The following SPNS3 variants were observed in gnomAD, a reference collection of about 807,000 sequenced individuals.
The protein encoded by SPNS3 is SPNS lysolipid transporter 3, sphingosine-1-phosphate (putative).
Under a neutral mutation model 54.4 loss-of-function variants are expected in SPNS3, and 51 were observed. The observed-to-expected ratio is 0.94, with a 90% CI of 0.75 to 1.18. The LOEUF (loss-of-function observed/expected upper bound fraction) is 1.18, where lower values mean the gene tolerates loss of function less well. SPNS3 is among the 50% of genes most tolerant of loss of function. The pLI is 0.00. For missense variants in SPNS3, 669 were observed against 677.4 expected (o/e 0.99, Z 0.14); for synonymous variants, 309 against 294.7 (o/e 1.05, Z -0.50).
In SPNS3 at chr17:4,468,589, G is replaced by A. The variant is rs113553452; in HGVS notation, c.1114-9983G>A. 3.7e-3 allele frequency among the ~76,000 whole-genome samples: 564 copies of A among 151,156 alleles called. 1 individual carries two copies. The highest frequency in any genetic ancestry group is 0.013 in the African/African-American group (541 of 41,206). Reference sequence around the variant, plus strand: ...GGGGCAGGGGGCGGTGGCGGCGGGGGAAGACTGAGGGAGGGGCAGGGGTTT... The same window carrying A: ...GGGGCAGGGGGCGGTGGCGGCGGGGAAAGACTGAGGGAGGGGCAGGGGTTT... On this transcript the variant is annotated intron_variant, in intron 8 of 11. Coordinates refer to ENST00000355530, the MANE Select transcript of SPNS3 (RefSeq NM_182538.5).
chr17:4,441,702 T>C (rs1394052202), intron 2 of SPNS3, among the ~76,000 whole-genome samples: 1 of 151,964 alleles, frequency 6.6e-6, no homozygotes, highest in African/African-American at 2.4e-5. Flanking sequence ...GTTCAAGTGA[T>C]TCTCCTGCCT....
chr17:4,449,400 G>C lies in SPNS3; in HGVS notation c.923+13G>C. 6.4e-7 allele frequency: 1 copy of C among 1,567,158 alleles called. No homozygotes were observed. The highest frequency in any genetic ancestry group is 2.3e-5 in the East Asian group (1 of 44,006). On this transcript the variant is annotated intron_variant, in intron 7 of 11. Transcript: ENST00000355530. ...GCAACCCCGACAGGTGAGGGCATCC[G>C]GGGGCCCTGGGCACCTGGCCCGGCT...
rs866366128 is a variant in SPNS3, at chr17:4,449,327, C to T, written c.863C>T (p.Ala288Val). ...TGGGCCCCCAAGTTTCTGCTCGAGG[C>T]ACGCGTGGTTCACGGGCTGCAGCCT... The part of the protein sequence containing the change: ...GFWAPKFLLE[A>V]RVVHGLQPPC... The change falls in exon 7 of 12, where the codon GCA becomes GTA. Residue 288 changes from alanine (A) to valine (V), a missense_variant. Ala to Val is a moderately conservative substitution (Grantham distance 64, BLOSUM62 0). Coordinates refer to ENST00000355530, the MANE Select transcript of SPNS3 (RefSeq NM_182538.5). The T allele has an allele frequency of 6.2e-7, 1 of 1,611,718 alleles. No individual in the cohort carries two copies. The highest frequency in any genetic ancestry group is 8.5e-7 in the Non-Finnish European group (1 of 1,179,872).
At chr17:4,467,922 C>T (rs148922258) in intron 8 of SPNS3, among the ~76,000 whole-genome samples, 8,374 of 152,312 alleles carry the variant, frequency 0.055, 305 homozygotes, top group Middle Eastern at 0.12. Flanking sequence ...CCACTCGCCT[C>T]GGCCTCCCAG....
Position 4,449,223 on chromosome 17 carries a change from C to A in SPNS3, c.771-12C>A. ...CCTCTCCCAACTCCAGCTGGGGCAC[C>A]TCGTCTTGCAGCTGGAGTTTCGTGT... On this transcript the variant is annotated splice_polypyrimidine_tract_variant and intron_variant, in intron 6 of 11. Transcript: ENST00000355530. 1.2e-6 allele frequency: 2 copies of A among 1,608,722 alleles called. No homozygotes were observed. Among genetic ancestry groups the A allele is most frequent in the Non-Finnish European group, 8.5e-7 (1 of 1,179,472 alleles).
At chr17:4,460,338 A>G (rs1971462660) in intron 8 of SPNS3, among the ~76,000 whole-genome samples, 1 of 151,774 alleles carries the variant, frequency 6.6e-6, no homozygotes, top group South Asian at 2.1e-4. Context: ...AGTTTATTAC[A>G]TTGACTGATA....
chr17:4,466,048 T>C (rs1971667343), intron 8 of SPNS3, among the ~76,000 whole-genome samples: 1 of 152,302 alleles, frequency 6.6e-6, no homozygotes, highest in South Asian at 2.1e-4. Context: ...GCAGGTGTGC[T>C]TGAGATCTCA....
At position 4,449,521 on chromosome 17, in the gene SPNS3, A is replaced by C. The variant is rs1023403208; in HGVS notation, c.923+134A>C. ...GTGCTGTGTGAAGACAGTGGAGCTC[A>C]GGACCCAGATGGCAGCAGGAGGCCT... On this transcript the variant is annotated intron_variant, in intron 7 of 11. Coordinates refer to ENST00000355530, the MANE Select transcript of SPNS3 (RefSeq NM_182538.5). 6.2e-6 allele frequency: 7 copies of C among 1,128,712 alleles called. No homozygotes were observed. The African/African-American group carries it at 9.5e-5, about 15-fold the overall frequency. 69.9% of individuals were successfully genotyped at this position (1,128,712 alleles called of 1,614,324 possible).
At position 4,458,564 on chromosome 17, in the gene SPNS3, C is replaced by T. The variant is rs1346830454; in HGVS notation, c.1113+5359C>T. On this transcript the variant is annotated intron_variant, in intron 8 of 11. Coordinates refer to ENST00000355530, the MANE Select transcript of SPNS3 (RefSeq NM_182538.5). ...CCTTCCTTTCCTTCCTTTCTTCCTT[C>T]CCTCCTTTCTTTCTTCCTTCCCTCC... Among the ~76,000 whole-genome samples the T allele has an allele frequency of 8.9e-5, 7 of 78,878 alleles. 1 individual carries two copies. The highest frequency in any genetic ancestry group is 2.4e-4 in the Non-Finnish European group (7 of 29,624). 51.7% of individuals were successfully genotyped at this position (78,878 alleles called of 152,430 possible).
intron 2 of SPNS3, among the ~76,000 whole-genome samples, chr17:4,443,024 C>T (rs1242837329): frequency 6.6e-6 from 1 of 152,028 alleles, no homozygotes; most frequent in Non-Finnish European, 1.5e-5. Flanking sequence ...GTGATCCCTG[C>T]ATGTGAGGAA....
chr17:4,441,555 A>G (rs1365706686), intron 2 of SPNS3, among the ~76,000 whole-genome samples: 7 of 152,096 alleles, frequency 4.6e-5, no homozygotes, highest in African/African-American at 1.2e-4. Context: ...GATTAAATAG[A>G]TAATGGTGGT....
chr17:4,487,790 A>G lies in SPNS3; in HGVS notation c.1451-16A>G, dbSNP rs745595985. The G allele has an allele frequency of 6.2e-6, 10 of 1,612,388 alleles. No homozygotes were observed. The Admixed American group carries it at 8.3e-5, about 13-fold the overall frequency. On this transcript the variant is annotated splice_polypyrimidine_tract_variant and intron_variant, in intron 11 of 11. Transcript: ENST00000355530. ...TCTGCAACCTTCGGGCAGGCTGAGC[A>G]TCTTTCCTCCTGCAGGGACCCCAGA...
intron 8 of SPNS3, among the ~76,000 whole-genome samples, chr17:4,477,470 G>A (rs1341553491): frequency 6.7e-6 from 1 of 149,574 alleles, no homozygotes; most frequent in Non-Finnish European, 1.5e-5. Flanking sequence ...GCTCTTGGAA[G>A]CTTTGAGAAA....
At chr17:4,478,524 GGT>G in intron 8 of SPNS3, 46 bp from the exon 9 acceptor site, 1 of 1,529,156 alleles carries the variant, frequency 6.5e-7, no homozygotes, top group Non-Finnish European at 8.9e-7. Flanking sequence ...AGGTGGGGTT[GGT>G]GACTGGGATC....
At chr17:4,459,043 A>C (rs1971423606) in intron 8 of SPNS3, among the ~76,000 whole-genome samples, 2 of 148,646 alleles carry the variant, frequency 1.3e-5, no homozygotes, top group Non-Finnish European at 3.0e-5. Context: ...CCCCATCCTC[A>C]CTCCCTTCTC....
chr17:4,458,631 T>G (rs1159409866), intron 8 of SPNS3, among the ~76,000 whole-genome samples: 1 of 146,276 alleles, frequency 6.8e-6, no homozygotes, highest in East Asian at 2.0e-4. Flanking sequence ...CTTTCTTTCT[T>G]TCTTTCTTTC....
At chr17:4,457,433 C>T (rs554975175) in intron 8 of SPNS3, among the ~76,000 whole-genome samples, 4 of 152,334 alleles carry the variant, frequency 2.6e-5, no homozygotes, top group East Asian at 3.9e-4. Flanking sequence ...TTGGCCGTGA[C>T]GCCTCCAAAG....
chr17:4,485,851 A>C (rs1972298555), intron 9 of SPNS3, among the ~76,000 whole-genome samples: 1 of 152,182 alleles, frequency 6.6e-6, no homozygotes, highest in African/African-American at 2.4e-5. Context: ...ACATGCAGAC[A>C]CCTGGCATGC....
In SPNS3 at chr17:4,486,514, G is replaced by C; in HGVS notation, c.1381G>C (p.Gly461Arg). Residue 461 changes from glycine (G) to arginine (R), a missense_variant, in exon 11 of 12, where the codon GGC (glycine) becomes CGC (arginine). Coordinates refer to ENST00000355530, the MANE Select transcript of SPNS3 (RefSeq NM_182538.5). This position sits in a 1 kb window ranked among gnomAD's most constrained non-coding sequence, Gnocchi z 5.5. The part of the protein sequence containing the change: ...LCCAFVIALG[G>R]GCFLLTALYL... ...CTGCGCCTTTGTCATCGCCCTGGGG[G>C]GCGGCTGCTTCCTGCTGACTGCGCT... The C allele has an allele frequency of 6.2e-7, 1 of 1,613,660 alleles. No homozygotes were observed. The highest frequency in any genetic ancestry group is 8.5e-7 in the Non-Finnish European group (1 of 1,179,964).
Sources: allele counts gnomAD v4.1 joint callset (sites outside exome capture counted in the v4.1 genomes callset), GRCh38; gene constraint gnomAD v4.1.1; non-coding constraint Gnocchi (gnomAD v3.1); transcripts MANE v1.5; gene names NCBI Gene and HGNC (gene_info 2026-07-23, HGNC 2026-07-21).